Variants in RPS6KA2 observed in about 807,000 individuals in gnomAD.
The protein encoded by RPS6KA2 is ribosomal protein S6 kinase alpha-2.
Under a neutral mutation model 91.8 loss-of-function variants are expected in RPS6KA2, and 42 were observed. That is an observed-to-expected ratio of 0.46 (90% CI 0.36 to 0.59). The LOEUF is 0.59. Among genes scored for constraint, RPS6KA2 ranks in the 20% least tolerant of loss-of-function variants. The pLI is 0.00. For synonymous variants in RPS6KA2, 414 were observed against 393.6 expected, an observed-to-expected ratio of 1.05 and a Z score of -0.61; for missense variants, 798 against 978.5, an observed-to-expected ratio of 0.82 and a Z score of 2.46.
Position 166,662,370 on chromosome 6 carries a change from G to A in RPS6KA2, c.124-123586C>T, listed in dbSNP as rs1016709094. ...GACGTATTTGATGCAGGGGTGGTAA[G>A]AGATGGGTTGGCGCAGGAGGTATGA... is the stretch of plus-strand genomic sequence containing the variant. On this transcript the variant is annotated intron_variant, in intron 2 of 21. Transcript: ENST00000503859. This position sits in a 1 kb window ranked among gnomAD's most constrained non-coding sequence, Gnocchi z 4.3. Among the ~76,000 whole-genome samples, 2 of 152,194 alleles carry A rather than the reference G, an allele frequency of 1.3e-5. No homozygotes were observed. Among genetic ancestry groups the A allele is most frequent in the African/African-American group, 2.4e-5 (1 of 41,438 alleles).
intron 2 of RPS6KA2, among the ~76,000 whole-genome samples, chr6:166,804,033 GT>G (rs1779432401): frequency 6.6e-6 from 1 of 152,106 alleles, no homozygotes; most frequent in African/African-American, 2.4e-5. Flanking sequence ...TTTCTGTGAG[GT>G]TTCTGAAGTC....
At chr6:166,613,261 C>G (rs765628748) in intron 1 of RPS6KA2, among the ~76,000 whole-genome samples, 3 of 152,200 alleles carry the variant, frequency 2.0e-5, no homozygotes, top group African/African-American at 4.8e-5. Flanking sequence ...CTCAGCCTGT[C>G]GCCACCATTC....
At chr6:166,514,842 C>T (rs1189718740) in intron 3 of RPS6KA2, among the ~76,000 whole-genome samples, 9 of 152,182 alleles carry the variant, frequency 5.9e-5, no homozygotes, top group Non-Finnish European at 1.3e-4. Flanking sequence ...CTGCATCATC[C>T]TAGCCCTCTG....
chr6:166,412,580 T>C lies in RPS6KA2; in HGVS notation c.*182A>G. 1 of 570,414 alleles carries C rather than the reference T, an allele frequency of 1.8e-6. No individual in the cohort carries two copies. Among genetic ancestry groups the C allele is most frequent in the Non-Finnish European group, 2.9e-6 (1 of 339,308 alleles). The allele number at this position is 570,414 out of a possible 1,614,324, so 35.3% of individuals were successfully genotyped here. On this transcript the variant is annotated 3_prime_UTR_variant, in exon 21 of 21. Transcript: ENST00000265678. This position sits in a 1 kb window ranked among gnomAD's most constrained non-coding sequence, Gnocchi z 4.3. ...GCGGGGAGGCTGGCGCAGTGAGGCT[T>C]GGAGAAGCCCCCAGGTCAGGACCCT...
intron 2 of RPS6KA2, among the ~76,000 whole-genome samples, chr6:166,786,915 C>G (rs1778945460): frequency 6.6e-6 from 1 of 152,170 alleles, no homozygotes; most frequent in East Asian, 1.9e-4. Context: ...ACAAGAGGCC[C>G]GAGATAGGTC....
chr6:166,438,331 G>A (rs766078567), intron 14 of RPS6KA2, among the ~76,000 whole-genome samples: 8 of 152,290 alleles, frequency 5.3e-5, no homozygotes, highest in African/African-American at 1.4e-4. Context: ...GAAACACCAC[G>A]TTCTTTTCAA....
intron 2 of RPS6KA2, among the ~76,000 whole-genome samples, chr6:166,647,392 C>G (rs1787639606): frequency 6.6e-6 from 1 of 152,152 alleles, no homozygotes; most frequent in Non-Finnish European, 1.5e-5. Context: ...TAGTGCAGTT[C>G]TCTGCTGGTG....
chr6:166,452,484 A>G (rs1467435309), intron 12 of RPS6KA2, among the ~76,000 whole-genome samples: 1 of 152,224 alleles, frequency 6.6e-6, no homozygotes, highest in Non-Finnish European at 1.5e-5. Flanking sequence ...TAAAGTTAAC[A>G]TGGAACCAAC....
chr6:166,614,056 C>T (rs113599292), intron 1 of RPS6KA2, among the ~76,000 whole-genome samples: 2 of 152,322 alleles, frequency 1.3e-5, no homozygotes, highest in African/African-American at 2.4e-5. Flanking sequence ...AGCCACATCT[C>T]CCCCAGAAAC....
chr6:166,855,277 C>A (rs1780857293), intron 2 of RPS6KA2, among the ~76,000 whole-genome samples: 1 of 151,976 alleles, frequency 6.6e-6, no homozygotes, highest in Non-Finnish European at 1.5e-5. Context: ...GAATTCATGA[C>A]TACACAATAT....
At position 166,410,255 on chromosome 6, in the gene RPS6KA2, A is replaced by G. The variant is rs1326768607; in HGVS notation, c.*2507T>C. ...TGGGGAGGTCTATGTCATTTGTGCA[A>G]ATCATACGGAGCATTTCATTCGTTG... On this transcript the variant is annotated 3_prime_UTR_variant, in exon 21 of 21. Coordinates refer to ENST00000265678, the MANE Select transcript of RPS6KA2 (RefSeq NM_021135.6). The G allele has an allele frequency of 1.3e-5, 2 of 152,198 alleles. No homozygotes were observed. The highest frequency in any genetic ancestry group is 2.9e-5 in the Non-Finnish European group (2 of 68,038). The allele number at this position is 152,198 out of a possible 1,614,324, so 9.4% of individuals were successfully genotyped here.
chr6:166,458,959 A>G (rs2128459567), intron 12 of RPS6KA2, among the ~76,000 whole-genome samples: 1 of 152,382 alleles, frequency 6.6e-6, no homozygotes, highest in Middle Eastern at 3.4e-3. Flanking sequence ...GTAATTTCAG[A>G]CACACCAGGA....
chr6:166,575,423 G>A (rs1456810333), intron 1 of RPS6KA2, among the ~76,000 whole-genome samples: 1 of 152,164 alleles, frequency 6.6e-6, no homozygotes, highest in East Asian at 1.9e-4. Flanking sequence ...GAAGCACTAT[G>A]AAATCCAAGG....
In RPS6KA2 at chr6:166,648,073, C is replaced by T. The variant is rs1422347653; in HGVS notation, c.124-109289G>A. Reference sequence around the variant, plus strand: ...ATGCACATGCTCACACACATGCACACGCACATGGTCATACACACACGCTCA... The same window carrying T: ...ATGCACATGCTCACACACATGCACATGCACATGGTCATACACACACGCTCA... On this transcript the variant is annotated intron_variant, in intron 2 of 21. Coordinates refer to the RPS6KA2 transcript ENST00000503859. The surrounding 1 kb of genome is among the most constrained non-coding windows in gnomAD (Gnocchi z 4.8). Among the ~76,000 whole-genome samples the T allele has an allele frequency of 1.3e-5, 2 of 151,640 alleles. No individual in the cohort carries two copies. The highest frequency in any genetic ancestry group is 2.1e-4 in the South Asian group (1 of 4,796).
At position 166,437,114 on chromosome 6, in the gene RPS6KA2, A is replaced by G. The variant is rs1261421062; in HGVS notation, c.1333-4624T>C. Reference sequence around the variant, plus strand: ...TAAGGCTGGAGAGTGCTAACGCAGGAGTGGGCAGTGAGGTGTGGCTACAGT... The same window carrying G: ...TAAGGCTGGAGAGTGCTAACGCAGGGGTGGGCAGTGAGGTGTGGCTACAGT... On this transcript the variant is annotated intron_variant, in intron 14 of 20. Coordinates refer to ENST00000265678, the MANE Select transcript of RPS6KA2 (RefSeq NM_021135.6). This position sits in a 1 kb window ranked among gnomAD's most constrained non-coding sequence, Gnocchi z 4.3. 1.3e-5 allele frequency among the ~76,000 whole-genome samples: 2 copies of G among 151,708 alleles called. No individual in the cohort carries two copies. The highest frequency in any genetic ancestry group is 4.9e-5 in the African/African-American group (2 of 41,232).
At chr6:166,817,421 C>A (rs1369362652) in intron 2 of RPS6KA2, among the ~76,000 whole-genome samples, 1 of 148,468 alleles carries the variant, frequency 6.7e-6, no homozygotes, top group Non-Finnish European at 1.5e-5. Flanking sequence ...ACACACACAC[C>A]CTAAACCATA....
chr6:166,681,517 TGTGACCA>T (rs1433320835), intron 2 of RPS6KA2, among the ~76,000 whole-genome samples: 1 of 151,932 alleles, frequency 6.6e-6, no homozygotes. Context: ...GGCTGACCAG[TGTGACCA>T]GTGCTGATCG....
At chr6:166,859,103 C>G (rs1780983873) in intron 1 of RPS6KA2, among the ~76,000 whole-genome samples, 1 of 152,262 alleles carries the variant, frequency 6.6e-6, no homozygotes, top group African/African-American at 2.4e-5. Context: ...GTCATTATTA[C>G]TATTTCTAGT....
chr6:166,834,158 G>A lies in RPS6KA2; in HGVS notation c.123+24042C>T, dbSNP rs549703133. The stretch of plus-strand genomic sequence containing the variant: ...GTCATTTTGCATTCCCACCAACAAC[G>A]GAAGAGAGTTCCAGTTATTTCACAC... On this transcript the variant is annotated intron_variant, in intron 2 of 21. Transcript: ENST00000503859. 2.6e-5 allele frequency among the ~76,000 whole-genome samples: 4 copies of A among 152,244 alleles called. No individual in the cohort carries two copies. In the South Asian group the frequency reaches 8.3e-4, roughly 32 times the overall value.
Sources: gnomAD v4.1 joint callset for allele counts (sites outside exome capture counted in the v4.1 genomes callset) on GRCh38, gnomAD v4.1.1 for gene constraint, Gnocchi (gnomAD v3.1) non-coding constraint, MANE v1.5 for transcripts, NCBI Gene and HGNC (gene_info 2026-07-23, HGNC 2026-07-21) for gene names.